Variants in SLC9A3 observed in about 807,000 individuals in gnomAD.
The protein encoded by SLC9A3 is solute carrier family 9 member A3, also known as sodium/hydrogen exchanger 3.
Under a neutral mutation model 86.8 loss-of-function variants are expected in SLC9A3, and 37 were observed. The ratio of observed to expected loss-of-function variants is 0.43; its 90% confidence interval spans 0.33 to 0.56. The LOEUF is 0.56. Ranked by LOEUF, SLC9A3 falls within the 20% of genes least tolerant of loss-of-function variation. The pLI, the probability that SLC9A3 is intolerant of heterozygous loss-of-function variation, is 0.06. For missense variants in SLC9A3, 1,011 were observed against 1,171.9 expected (o/e 0.86, Z 2.00); for synonymous variants, 581 against 528.3 (o/e 1.10, Z -1.37).
chr5:483,903 G>A (rs1739340065), intron 5 of SLC9A3, among the ~76,000 whole-genome samples: 2 of 152,284 alleles, frequency 1.3e-5, no homozygotes, highest in African/African-American at 4.8e-5. Context: ...GCGAGGTGAC[G>A]GGACACTGCT....
At chr5:479,030 CTG>C (rs1560951412) in intron 10 of SLC9A3, 2 of 153,562 alleles carry the variant, frequency 1.3e-5, no homozygotes, top group Admixed American at 6.5e-5. Flanking sequence ...CACTGGCCCT[CTG>C]TGTGAGGGTC....
intron 1 of SLC9A3, among the ~76,000 whole-genome samples, chr5:499,765 C>G (rs1740178205): frequency 6.6e-6 from 1 of 152,204 alleles, no homozygotes; most frequent in Non-Finnish European, 1.5e-5. Flanking sequence ...GAGATAATGC[C>G]AAGGTGGCTC....
At chr5:481,963 T>C (rs1579777837) in intron 8 of SLC9A3, 105 bp downstream of exon 8, 1 of 221,316 alleles carries the variant, frequency 4.5e-6, no homozygotes, top group South Asian at 2.7e-5. Context: ...CACGGTGCCC[T>C]CCGCCACCCC....
rs150973602 is a variant in SLC9A3, at chr5:476,341, G to A, written c.1928C>T (p.Thr643Met). 2.2e-5 allele frequency: 36 copies of A among 1,613,780 alleles called. No individual in the cohort carries two copies. The highest frequency in any genetic ancestry group is 3.3e-5 in the South Asian group (3 of 91,090). ...HLYSRHELTP[T>M]EDEKQDREIF... Reference sequence around the variant, plus strand: ...TTCCCGGTCCTGTTTCTCGTCCTCCGTGGGCGTGAGCTCGTGTCGGCTGTA... The same window carrying A: ...TTCCCGGTCCTGTTTCTCGTCCTCCATGGGCGTGAGCTCGTGTCGGCTGTA... Residue 643 changes from threonine to methionine, a missense_variant, in exon 13 of 17, where the codon ACG becomes ATG. Thr to Met is a moderately conservative substitution (Grantham distance 81, BLOSUM62 -1). Coordinates refer to ENST00000264938, the MANE Select transcript of SLC9A3 (RefSeq NM_004174.4).
Position 473,512 on chromosome 5 carries a change from G to A in SLC9A3, c.2502-130C>T, listed in dbSNP as rs533354016. 2.6e-4 allele frequency: 190 copies of A among 730,296 alleles called. No homozygotes were observed. The African/African-American group carries it at 3.1e-3, about 12-fold the overall frequency. The allele number at this position is 730,296 out of a possible 1,614,324, so 45.2% of individuals were successfully genotyped here. Reference sequence around the variant, plus strand: ...CCCTCCCGCGGCGCACCCCAGGCTCGGCGTCCGCTGGGGCCTCCTCCCAGG... The same window carrying A: ...CCCTCCCGCGGCGCACCCCAGGCTCAGCGTCCGCTGGGGCCTCCTCCCAGG... On this transcript the variant is annotated intron_variant, in intron 16 of 16. Transcript: ENST00000264938.
In SLC9A3 at chr5:485,181, C is replaced by G; in HGVS notation, c.726G>C (p.Val242=). ...ESFVALGGDN[V]TGVDCVKGIV... ...TGCCCTTCACGCAGTCCACGCCAGT[C>G]ACGTTGTCACCTCCCAGCGCCACGA... The change falls in exon 4 of 17, where the codon GTG becomes GTC. Residue 242 remains valine, a synonymous_variant. Coordinates refer to ENST00000264938, the MANE Select transcript of SLC9A3 (RefSeq NM_004174.4). 6.2e-7 allele frequency: 1 copy of G among 1,613,954 alleles called. No homozygotes were observed. Among genetic ancestry groups the G allele is most frequent in the Non-Finnish European group, 8.5e-7 (1 of 1,180,004 alleles).
At position 479,915 on chromosome 5, in the gene SLC9A3, G is replaced by A. The variant is rs1224136893; in HGVS notation, c.1568C>T (p.Ser523Leu). 5 of 1,613,778 alleles carry A rather than the reference G, an allele frequency of 3.1e-6. No individual in the cohort carries two copies. Among genetic ancestry groups the A allele is most frequent in the African/African-American group, 1.3e-5 (1 of 74,938 alleles). ...GATCCGGTCTCGAGACTTCTGGGCC[G>A]ACCGTCTCATGAGGACCCTGCTGAG... is the stretch of plus-strand genomic sequence containing the variant. ...KFLSRVLMRR[S>L]AQKSRDRILN... is the part of the protein sequence containing the mutation. Residue 523 changes from serine to leucine, a missense_variant, in exon 10 of 17, where the codon TCG (serine) becomes TTG (leucine). Around this residue, in one of 3 missense-constraint regions of SLC9A3, gnomAD observed 565 missense variants for 790.0 expected, o/e 0.72. Transcript: ENST00000264938.
At chr5:492,837 G>A (rs1739848798) in intron 1 of SLC9A3, among the ~76,000 whole-genome samples, 2 of 152,242 alleles carry the variant, frequency 1.3e-5, no homozygotes, top group East Asian at 3.9e-4. Context: ...CTCCGGAGGG[G>A]CCCCATGGAG....
Position 472,274 on chromosome 5 carries a change from G to C in SLC9A3, c.*1105C>G, listed in dbSNP as rs1738400875. ...GCTGGAAGGGGTGGGAAGGGTCAGG[G>C]GTCCGGGGTCTAGGACAGGCTCAGG... On this transcript the variant is annotated 3_prime_UTR_variant, in exon 17 of 17. Coordinates refer to ENST00000264938, the MANE Select transcript of SLC9A3 (RefSeq NM_004174.4). 2.9e-6 allele frequency: 1 copy of C among 350,766 alleles called. No individual in the cohort carries two copies. The highest frequency in any genetic ancestry group is 2.1e-5 in the African/African-American group (1 of 46,630). 21.7% of individuals were successfully genotyped at this position (350,766 alleles called of 1,614,324 possible).
In SLC9A3 at chr5:485,156, T is replaced by C; in HGVS notation, c.751A>G (p.Ile251Val). 6.2e-7 allele frequency: 1 copy of C among 1,612,410 alleles called. No homozygotes were observed. Among genetic ancestry groups the C allele is most frequent in the Non-Finnish European group, 8.5e-7 (1 of 1,178,588 alleles). ...CCCCTGACCCACAGCTACACACCTA[T>C]GCCCTTCACGCAGTCCACGCCAGTC... ...NVTGVDCVKGIVSFFVVSLGG... is the reference protein window; with the variant it reads ...NVTGVDCVKGVVSFFVVSLGG... Residue 251 changes from isoleucine to valine, a missense_variant, in exon 4 of 17, where the codon ATA becomes GTA. Physicochemically the swap from Ile to Val is conservative, Grantham distance 29. Transcript: ENST00000264938.
At position 471,939 on chromosome 5, in the gene SLC9A3, C is replaced by T. The variant is rs1738379922; in HGVS notation, c.*1440G>A. The T allele has an allele frequency of 4.4e-6, 2 of 456,572 alleles. No individual in the cohort carries two copies. Among genetic ancestry groups the T allele is most frequent in the Non-Finnish European group, 8.8e-6 (2 of 226,992 alleles). The allele number at this position is 456,572 out of a possible 1,614,324, so 28.3% of individuals were successfully genotyped here. A position where few individuals can be genotyped will look rare whatever the true frequency, so the allele number is the denominator to read the frequency against. On this transcript the variant is annotated 3_prime_UTR_variant, in exon 17 of 17. Transcript: ENST00000264938. ...AACATAAAACTCTTTAAGAACTCCT[C>T]CTGACTGGTGACTGTCAACACTTGA... is the stretch of plus-strand genomic sequence containing the variant.
intron 1 of SLC9A3, among the ~76,000 whole-genome samples, chr5:519,841 G>A (rs1285363805): frequency 1.3e-5 from 2 of 152,202 alleles, no homozygotes; most frequent in East Asian, 3.9e-4. Context: ...GGGTGGGGGG[G>A]CTGCGCCGCT....
intron 1 of SLC9A3, among the ~76,000 whole-genome samples, chr5:492,771 C>A (rs541484294): frequency 2.6e-5 from 4 of 152,272 alleles, no homozygotes; most frequent in African/African-American, 7.2e-5. Flanking sequence ...CTCACCCTGT[C>A]CCTGACGTTG....
intron 3 of SLC9A3, 135 bp from the exon 4 acceptor site, chr5:485,366 G>C (rs964356445): frequency 2.8e-6 from 2 of 720,126 alleles, no homozygotes; most frequent in Admixed American, 2.0e-5. Context: ...AATCATCACA[G>C]GGCAATGGCC....
At chr5:479,768 C>T in intron 10 of SLC9A3, 68 bp downstream of exon 10, 2 of 1,573,912 alleles carry the variant, frequency 1.3e-6, no homozygotes, top group South Asian at 1.1e-5. Flanking sequence ...CTCACTGCCC[C>T]ATGGCACCCA....
chr5:491,633 G>T lies in SLC9A3; in HGVS notation c.514+136C>A. 1.3e-6 allele frequency: 1 copy of T among 766,668 alleles called. No homozygotes were observed. Among genetic ancestry groups the T allele is most frequent in the Non-Finnish European group, 2.0e-6 (1 of 497,770 alleles). 47.5% of individuals were successfully genotyped at this position (766,668 alleles called of 1,614,324 possible). ...CTTGGTCACGAGGGCCTACGGGGCT[G>T]CCAGCCACGTTTCTCACCTGACACT... is the stretch of plus-strand genomic sequence containing the variant. On this transcript the variant is annotated intron_variant, in intron 2 of 16. Transcript: ENST00000264938. The surrounding 1 kb of genome is among the most constrained non-coding windows in gnomAD (Gnocchi z 9.2).
chr5:474,077 AGG>A (rs1310689320), intron 16 of SLC9A3, among the ~76,000 whole-genome samples: 14 of 151,724 alleles, frequency 9.2e-5, no homozygotes, highest in African/African-American at 3.4e-4. Flanking sequence ...GAGGAGGAAG[AGG>A]GGCTGCTGGA....
chr5:482,452 G>A, intron 7 of SLC9A3, 96 bp downstream of exon 7: 4 of 1,039,482 alleles, frequency 3.8e-6, no homozygotes, highest in Non-Finnish European at 5.7e-6. Context: ...AACCCAATTA[G>A]GGTCTGGAGC....
At chr5:476,807 G>A (rs764450437) in intron 11 of SLC9A3, 135 bp from the exon 12 acceptor site, 23 of 1,075,596 alleles carry the variant, frequency 2.1e-5, no homozygotes, top group African/African-American at 9.3e-5. Context: ...GTGGGCACCC[G>A]GCTGGGGCAC....
Sources: gnomAD v4.1 joint callset for allele counts (sites outside exome capture counted in the v4.1 genomes callset) on GRCh38, gnomAD v4.1.1 for gene constraint, gnomAD v4.1.1 regional missense constraint, Gnocchi (gnomAD v3.1) non-coding constraint, MANE v1.5 for transcripts, NCBI Gene and HGNC (gene_info 2026-07-23, HGNC 2026-07-21) for gene names.